Variants in FRAS1 observed in about 807,000 individuals in gnomAD.
The protein encoded by FRAS1 is Fraser extracellular matrix complex subunit 1.
Under a neutral mutation model 435.2 loss-of-function variants are expected in FRAS1, and 290 were observed. That is an observed-to-expected ratio of 0.67 (90% confidence interval 0.61 to 0.73). FRAS1 has a LOEUF of 0.73. FRAS1 is among the 30% of genes least tolerant of loss of function. The pLI, the probability that FRAS1 is intolerant of heterozygous loss-of-function variation, is 0.00. For synonymous variants in FRAS1, 1,800 were observed against 1,851.0 expected (o/e 0.97, Z 0.71); for missense variants, 4,860 against 5,001.5 (o/e 0.97, Z 0.85).
chr4:78,059,094 C>T (rs987730563), intron 1 of FRAS1, among the ~76,000 whole-genome samples: 4 of 152,198 alleles, frequency 2.6e-5, no homozygotes, highest in South Asian at 2.1e-4. Context: ...TGCCCAGCCG[C>T]AAACCAGAGC....
intron 47 of FRAS1, among the ~76,000 whole-genome samples, chr4:78,461,340 G>C (rs549039658): frequency 6.6e-6 from 1 of 152,126 alleles, no homozygotes; most frequent in African/African-American, 2.4e-5. Flanking sequence ...TTTACAAAAA[G>C]TGCTCCTAGC....
intron 9 of FRAS1, among the ~76,000 whole-genome samples, chr4:78,274,736 A>T (rs1379139820): frequency 6.6e-6 from 1 of 152,148 alleles, no homozygotes; most frequent in Non-Finnish European, 1.5e-5. Context: ...ACTTCCAACT[A>T]TGTGGTTAAT....
intron 20 of FRAS1, among the ~76,000 whole-genome samples, chr4:78,340,479 G>A (rs536197732): frequency 6.6e-6 from 1 of 152,262 alleles, no homozygotes; most frequent in African/African-American, 2.4e-5. Flanking sequence ...CTGTAGCATT[G>A]CAATGCATTC....
chr4:78,397,639 A>G (rs1732722945), intron 29 of FRAS1, among the ~76,000 whole-genome samples: 1 of 118,550 alleles, frequency 8.4e-6, no homozygotes, highest in Non-Finnish European at 1.9e-5. Flanking sequence ...GCCAGTTAGT[A>G]TGATCTGCAG....
chr4:78,212,376 C>T (rs1424125210), intron 2 of FRAS1, among the ~76,000 whole-genome samples: 1 of 152,068 alleles, frequency 6.6e-6, no homozygotes, highest in Non-Finnish European at 1.5e-5. Context: ...GTGGACTATG[C>T]ATGTACCCCC....
In FRAS1 at chr4:78,429,284, C is replaced by T. The variant is rs913089581; in HGVS notation, c.4843+58C>T. The T allele has an allele frequency of 2.6e-6, 4 of 1,528,764 alleles. No homozygotes were observed. In the South Asian group the frequency reaches 3.8e-5, roughly 15 times the overall value. 94.7% of individuals were successfully genotyped at this position (1,528,764 alleles called of 1,614,324 possible). On this transcript the variant is annotated intron_variant, in intron 36 of 73. Transcript: ENST00000512123. ...TTGGAAATGGGATCATATTGCTGCC[C>T]CTCTTCAAACCTCTTGATGGTTGCC...
intron 9 of FRAS1, among the ~76,000 whole-genome samples, chr4:78,270,564 A>ACCACCC (rs1726624329): frequency 1.9e-5 from 1 of 51,802 alleles, no homozygotes; most frequent in Admixed American, 2.0e-4. Context: ...CGCCACCACC[A>ACCACCC]CCACCCCAGC....
intron 2 of FRAS1, among the ~76,000 whole-genome samples, chr4:78,072,529 C>T (rs912501490): frequency 3.3e-5 from 5 of 152,114 alleles, no homozygotes; most frequent in Admixed American, 2.6e-4. Flanking sequence ...ACATCTTGAA[C>T]TTCTCCAGCA....
At chr4:78,183,829 T>A (rs551281142) in intron 2 of FRAS1, among the ~76,000 whole-genome samples, 140 of 110,322 alleles carry the variant, frequency 1.3e-3, no homozygotes, top group African/African-American at 4.3e-3. Flanking sequence ...ACATTATATA[T>A]TTAATTAATT....
chr4:78,194,042 T>G (rs7377044), intron 2 of FRAS1, among the ~76,000 whole-genome samples: 41,904 of 151,984 alleles, frequency 0.28, 6,882 homozygotes, highest in South Asian at 0.53. Flanking sequence ...GCTTAGTTTG[T>G]CTGGATATGA....
At chr4:78,259,882 G>A (rs887119524) in intron 6 of FRAS1, among the ~76,000 whole-genome samples, 1 of 152,078 alleles carries the variant, frequency 6.6e-6, no homozygotes, top group Non-Finnish European at 1.5e-5. Context: ...ATTGATTTTT[G>A]TATAAGGTGT....
At position 78,326,084 on chromosome 4, in the gene FRAS1, G is replaced by C. The variant is rs149143608; in HGVS notation, c.2137+7098G>C. Among the ~76,000 whole-genome samples the C allele has an allele frequency of 2.7e-4, 41 of 152,264 alleles. 1 individual carries two copies. The East Asian group carries it at 7.7e-3, about 29-fold the overall frequency. On this transcript the variant is annotated intron_variant, in intron 18 of 73. Transcript: ENST00000512123. ...TGCTAAGGAGTTTAGAGTTCACACT[G>C]TTGTTACTGGTAAACTATTAAAAGA...
intron 2 of FRAS1, among the ~76,000 whole-genome samples, chr4:78,150,381 T>C (rs954664831): frequency 6.6e-6 from 1 of 152,308 alleles, no homozygotes; most frequent in Admixed American, 6.5e-5. Context: ...GCTTTTGGTC[T>C]TTACCCAACA....
intron 5 of FRAS1, 87 bp from the exon 6 acceptor site, chr4:78,255,155 A>T: frequency 7.4e-7 from 1 of 1,351,412 alleles, no homozygotes. Context: ...GCTTCTGACC[A>T]ACTGCACTGG....
intron 2 of FRAS1, among the ~76,000 whole-genome samples, chr4:78,194,068 A>G (rs1722681591): frequency 6.6e-6 from 1 of 152,172 alleles, no homozygotes; most frequent in African/African-American, 2.4e-5. Flanking sequence ...TGGGTTGGAA[A>G]TTCTTTTCTT....
intron 14 of FRAS1, among the ~76,000 whole-genome samples, chr4:78,297,911 T>C (rs1728211344): frequency 6.6e-6 from 1 of 151,562 alleles, no homozygotes; most frequent in African/African-American, 2.4e-5. Context: ...GCAAACACAG[T>C]GGGATTTTTG....
chr4:78,379,839 G>A lies in FRAS1; in HGVS notation c.3406G>A (p.Glu1136Lys), dbSNP rs12512164. The A allele has an allele frequency of 0.26, 423,603 of 1,613,212 alleles. 57,385 individuals carry two copies. Among genetic ancestry groups the A allele is most frequent in the Admixed American group, 0.35 (20,829 of 59,958 alleles). The change falls in exon 27 of 74, where the codon GAA (glutamate) becomes AAA (lysine). Residue 1136 changes from glutamate (E) to lysine (K), a missense_variant. Physicochemically the swap from Glu to Lys is moderately conservative, Grantham distance 56 (BLOSUM62 1). Coordinates refer to ENST00000512123, the MANE Select transcript of FRAS1 (RefSeq NM_025074.7). ...LNVQDQEGRV[E>K]DLLFHVVSTP... Reference sequence around the variant, plus strand: ...TGTCCAAGACCAGGAGGGTAGGGTCGAAGATCTCCTATTTCATGTTGTGAG... The same window carrying A: ...TGTCCAAGACCAGGAGGGTAGGGTCAAAGATCTCCTATTTCATGTTGTGAG...
intron 35 of FRAS1, among the ~76,000 whole-genome samples, chr4:78,427,055 G>T (rs191725563): frequency 5.8e-4 from 89 of 152,260 alleles, no homozygotes; most frequent in Middle Eastern, 3.4e-3. Context: ...CCAAACTCAT[G>T]TTGAAACTTA....
intron 3 of FRAS1, among the ~76,000 whole-genome samples, chr4:78,238,828 G>C (rs111666235): frequency 4.8e-4 from 73 of 152,308 alleles, no homozygotes; most frequent in Non-Finnish European, 8.7e-4. Context: ...GACATAGATT[G>C]CATTGCTGAA....
Sources: gnomAD v4.1 joint callset for allele counts (sites outside exome capture counted in the v4.1 genomes callset) on GRCh38, gnomAD v4.1.1 for gene constraint, MANE v1.5 for transcripts, NCBI Gene and HGNC (gene_info 2026-07-23, HGNC 2026-07-21) for gene names.